Variants in VPS39 observed in about 807,000 individuals in gnomAD.
VPS39 encodes VPS39 subunit of HOPS complex.
VPS39 carries 70 observed loss-of-function variants against 121.0 expected under a neutral mutation model. That is an observed-to-expected ratio of 0.58 (90% CI 0.48 to 0.71). The LOEUF (loss-of-function observed/expected upper bound fraction) is 0.71, where lower values mean the gene tolerates loss of function less well. Ranked by LOEUF, VPS39 falls within the 30% of genes least tolerant of loss-of-function variation. The pLI is 0.00. For synonymous variants in VPS39, 378 were observed against 398.1 expected, an observed-to-expected ratio of 0.95 and a Z score of 0.60; for missense variants, 818 against 1,051.5, an observed-to-expected ratio of 0.78 and a Z score of 3.07.
chr15:42,186,443 A>G (rs1228292081), intron 7 of VPS39, among the ~76,000 whole-genome samples: 1 of 152,170 alleles, frequency 6.6e-6, no homozygotes, highest in African/African-American at 2.4e-5. Flanking sequence ...CCTGTCTCAA[A>G]TAAAATAAAA....
At chr15:42,178,131 AAC>A in intron 10 of VPS39, 85 bp downstream of exon 10, 1 of 1,578,664 alleles carries the variant, frequency 6.3e-7, no homozygotes, top group Non-Finnish European at 8.6e-7. Context: ...TTATTCTACT[AAC>A]CCAAAATAAA....
chr15:42,173,994 T>A, intron 10 of VPS39, 142 bp from the exon 11 acceptor site: 1 of 928,050 alleles, frequency 1.1e-6, no homozygotes, highest in South Asian at 1.7e-5. Flanking sequence ...ACGCTTGTAA[T>A]CCCAGCACTT....
intron 2 of VPS39, among the ~76,000 whole-genome samples, chr15:42,192,286 A>G (rs748999064): frequency 1.3e-5 from 2 of 152,110 alleles, no homozygotes; most frequent in Non-Finnish European, 2.9e-5. Context: ...TTAAAAATTT[A>G]TATATATTTT....
intron 1 of VPS39, among the ~76,000 whole-genome samples, chr15:42,205,816 A>G (rs573303047): frequency 1.3e-5 from 2 of 152,360 alleles, no homozygotes; most frequent in East Asian, 3.9e-4. Flanking sequence ...CTTCAAGAGT[A>G]GTAATCATCA....
chr15:42,166,402 A>C (rs1167925693), intron 15 of VPS39, among the ~76,000 whole-genome samples, 161 bp downstream of exon 15: 1 of 152,256 alleles, frequency 6.6e-6, no homozygotes, highest in Non-Finnish European at 1.5e-5. Context: ...GGGGGCTGTC[A>C]CAGGCCAACC....
rs2050200862 is a variant in VPS39, at chr15:42,207,589, A to C, written c.73+492T>G. On this transcript the variant is annotated intron_variant, in intron 1 of 24. Coordinates refer to ENST00000318006, the MANE Select transcript of VPS39 (RefSeq NM_015289.5). ...TTAGCTAACTACATGAGTTCCCTAC[A>C]GGAATGAGAAATGAACGAATGATCA... 2.6e-5 allele frequency among the ~76,000 whole-genome samples: 4 copies of C among 152,226 alleles called. No individual in the cohort carries two copies. The South Asian group carries it at 8.3e-4, about 31-fold the overall frequency.
At chr15:42,192,291 TA>T (rs1024685826) in intron 2 of VPS39, among the ~76,000 whole-genome samples, 51 of 152,220 alleles carry the variant, frequency 3.4e-4, no homozygotes, top group African/African-American at 1.2e-3. Flanking sequence ...AATTTATATA[TA>T]TTTTTTTCTG....
At chr15:42,202,319 G>A (rs889083393) in intron 1 of VPS39, among the ~76,000 whole-genome samples, 1 of 152,024 alleles carries the variant, frequency 6.6e-6, no homozygotes, top group African/African-American at 2.4e-5. Context: ...GGAAAGGCAG[G>A]TCACACACAA....
At chr15:42,166,114 A>AACC (rs2049237340) in intron 16 of VPS39, 45 bp downstream of exon 16, 1 of 1,571,520 alleles carries the variant, frequency 6.4e-7, no homozygotes. Flanking sequence ...GTGCAATCAG[A>AACC]ACCAAGTGTT....
Position 42,160,729 on chromosome 15 carries a change from C to T in VPS39, c.*25G>A. ...TCTCTGGGAGAGCCAAGCTGTCCAT[C>T]CGCTGGATCCCCAGGATGCTGGGCT... On this transcript the variant is annotated 3_prime_UTR_variant, in exon 25 of 25. Transcript: ENST00000318006. 1 of 1,609,206 alleles carries T rather than the reference C, an allele frequency of 6.2e-7. No individual in the cohort carries two copies. Among genetic ancestry groups the T allele is most frequent in the Non-Finnish European group, 8.5e-7 (1 of 1,175,490 alleles).
At chr15:42,185,644 T>C (rs2049686059) in intron 7 of VPS39, among the ~76,000 whole-genome samples, 1 of 152,140 alleles carries the variant, frequency 6.6e-6, no homozygotes, top group South Asian at 2.1e-4. Context: ...AAAGCCTACA[T>C]ATTGTGTCAT....
chr15:42,161,620 G>T, intron 24 of VPS39, 62 bp downstream of exon 24: 1 of 1,527,032 alleles, frequency 6.5e-7, no homozygotes, highest in Non-Finnish European at 9.1e-7. Flanking sequence ...CATCCTGAGC[G>T]TTCTCCACCC....
chr15:42,181,063 G>C (rs1452160670), intron 8 of VPS39, among the ~76,000 whole-genome samples: 1 of 152,144 alleles, frequency 6.6e-6, no homozygotes, highest in Non-Finnish European at 1.5e-5. Flanking sequence ...GGAGATATTT[G>C]CACACACATG....
Position 42,201,529 on chromosome 15 carries a change from T to C in VPS39, c.74-1568A>G, listed in dbSNP as rs146394956. On this transcript the variant is annotated intron_variant, in intron 1 of 24. Transcript: ENST00000318006. Reference sequence around the variant, plus strand: ...CTAGTGGTTCTTAAACTTTAGTGTATCACAATTATTTGAGAGTTTGTTAAA... The same window carrying C: ...CTAGTGGTTCTTAAACTTTAGTGTACCACAATTATTTGAGAGTTTGTTAAA... Among the ~76,000 whole-genome samples the C allele has an allele frequency of 6.6e-5, 10 of 152,316 alleles. No homozygotes were observed. The East Asian group carries it at 1.9e-3, about 29-fold the overall frequency.
At chr15:42,192,725 A>C (rs2140879906) in intron 2 of VPS39, among the ~76,000 whole-genome samples, 1 of 152,182 alleles carries the variant, frequency 6.6e-6, no homozygotes, top group East Asian at 1.9e-4. Context: ...CCTACACTTG[A>C]AAGCGTCCTA....
chr15:42,162,571 G>A lies in VPS39; in HGVS notation c.2176-90C>T, dbSNP rs1468847010. On this transcript the variant is annotated intron_variant, in intron 21 of 24. Coordinates refer to ENST00000318006, the MANE Select transcript of VPS39 (RefSeq NM_015289.5). ...GCATGCCTAACGATTCGAGGGGCTC[G>A]CCTACAGTAACAGCTATCACTGAGC... The A allele has an allele frequency of 1.2e-5, 17 of 1,415,834 alleles. No homozygotes were observed. The South Asian group carries it at 1.3e-4, about 11-fold the overall frequency. The allele number at this position is 1,415,834 out of a possible 1,614,324, so 87.7% of individuals were successfully genotyped here.
Position 42,159,545 on chromosome 15 carries a change from T to G in VPS39, c.*1209A>C, listed in dbSNP as rs915626779. ...CACAGGTTTGGCGGTGAGTTATTTT[T>G]AAACCAGCGTCCTGCTGTTCTTGCC... On this transcript the variant is annotated 3_prime_UTR_variant, in exon 25 of 25. Coordinates refer to ENST00000318006, the MANE Select transcript of VPS39 (RefSeq NM_015289.5). The G allele has an allele frequency of 4.6e-5, 7 of 152,396 alleles. No individual in the cohort carries two copies. Among genetic ancestry groups the G allele is most frequent in the African/African-American group, 1.7e-4 (7 of 41,458 alleles). The allele number at this position is 152,396 out of a possible 1,614,324, so 9.4% of individuals were successfully genotyped here. A position where few individuals can be genotyped will look rare whatever the true frequency, so the allele number is the denominator to read the frequency against.
chr15:42,172,159 TA>T (rs1376914542), intron 11 of VPS39, among the ~76,000 whole-genome samples: 12 of 152,310 alleles, frequency 7.9e-5, no homozygotes, highest in Non-Finnish European at 7.4e-5. Flanking sequence ...AGGACCCTTG[TA>T]AACCAACAGA....
chr15:42,164,309 T>C (rs978443753), intron 19 of VPS39, 49 bp downstream of exon 19: 1 of 1,610,748 alleles, frequency 6.2e-7, no homozygotes, highest in Admixed American at 1.7e-5. Flanking sequence ...GGATTAGTCT[T>C]TGCATGACCT....
Sources: gnomAD v4.1 joint callset for allele counts (sites outside exome capture counted in the v4.1 genomes callset) on GRCh38, gnomAD v4.1.1 for gene constraint, MANE v1.5 for transcripts, NCBI Gene and HGNC (gene_info 2026-07-23, HGNC 2026-07-21) for gene names.